The following CHID1 variants were observed in gnomAD, a reference collection of about 807,000 sequenced individuals.
CHID1 encodes the protein chitinase domain containing 1.
A neutral mutation model predicts 55.4 loss-of-function variants in CHID1; 44 were observed. That is an observed-to-expected ratio of 0.79 (90% CI 0.62 to 1.02). The LOEUF (loss-of-function observed/expected upper bound fraction) is 1.02, where lower values mean the gene tolerates loss of function less well. CHID1 is among the 50% of genes least tolerant of loss of function. The probability of loss-of-function intolerance (pLI) is 0.00; values close to 1 mark genes in which losing one functional copy is unlikely to be tolerated. For synonymous variants in CHID1, 216 were observed against 212.9 expected (o/e 1.01, Z -0.13); for missense variants, 491 against 515.3 (o/e 0.95, Z 0.46).
At position 902,323 on chromosome 11, in the gene CHID1, C is replaced by T; in HGVS notation, c.269G>A (p.Ser90Asn). ...DVLGYVTPWN[S>N]HGYDVTKVFG... ...GACCTTGGTGACATCGTAGCCATGG[C>T]TGTTCCACTGGCAAAAGATGGAGAC... The change falls in exon 4 of 13, where the codon AGC becomes AAC. Residue 90 changes from serine (S) to asparagine (N), a missense_variant. By Grantham distance (46) the Ser-to-Asn change is conservative (BLOSUM62 1). Transcript: ENST00000323578. 2 of 1,611,006 alleles carry T rather than the reference C, an allele frequency of 1.2e-6. No individual in the cohort carries two copies. The highest frequency in any genetic ancestry group is 1.7e-6 in the Non-Finnish European group (2 of 1,177,362).
At chr11:886,194 T>C (rs2134197502) in intron 8 of CHID1, among the ~76,000 whole-genome samples, 1 of 142,328 alleles carries the variant, frequency 7.0e-6, no homozygotes, top group East Asian at 2.1e-4. Flanking sequence ...GTGTGATGGC[T>C]CACACCTGTA....
intron 10 of CHID1, among the ~76,000 whole-genome samples, chr11:873,597 G>A (rs1471312225): frequency 6.6e-6 from 1 of 152,092 alleles, no homozygotes; most frequent in Non-Finnish European, 1.5e-5. Flanking sequence ...CACATGGACG[G>A]GGAGGATGTA....
intron 10 of CHID1, among the ~76,000 whole-genome samples, chr11:873,865 G>A (rs1428185201): frequency 6.6e-6 from 1 of 152,086 alleles, no homozygotes; most frequent in African/African-American, 2.4e-5. Context: ...ACAGCTGCAA[G>A]GCCTCAAATG....
At chr11:910,866 C>A, upstream of CHID1, 1 of 1,074,978 alleles carries the variant, frequency 9.3e-7, no homozygotes, top group Non-Finnish European at 1.1e-6. Context: ...CGCGCGCCGC[C>A]GCCGCGCACG....
intron 1 of CHID1, chr11:908,650 G>A (rs1261638846): frequency 4.1e-6 from 4 of 981,828 alleles, no homozygotes; most frequent in Non-Finnish European, 4.8e-6. Flanking sequence ...GGAAATCTGG[G>A]TCAGGGAGGA....
At chr11:903,324 G>A (rs776776517) in intron 2 of CHID1, among the ~76,000 whole-genome samples, 1 of 152,200 alleles carries the variant, frequency 6.6e-6, no homozygotes, top group African/African-American at 2.4e-5. Context: ...ACTGGCCGAC[G>A]GTACAGGGCC....
At chr11:887,839 T>C (rs1289815415) in intron 8 of CHID1, among the ~76,000 whole-genome samples, 1 of 152,094 alleles carries the variant, frequency 6.6e-6, no homozygotes, top group African/African-American at 2.4e-5. Context: ...CTCCACCACC[T>C]CATGGCCTTG....
At chr11:880,087 C>T (rs1849795294) in intron 10 of CHID1, among the ~76,000 whole-genome samples, 1 of 152,228 alleles carries the variant, frequency 6.6e-6, no homozygotes, top group Non-Finnish European at 1.5e-5. Context: ...ATTGCAGGGA[C>T]ATGAGAGCTG....
At position 902,318 on chromosome 11, in the gene CHID1, C is replaced by T; in HGVS notation, c.274G>A (p.Gly92Ser). 1.2e-6 allele frequency: 2 copies of T among 1,611,414 alleles called. No homozygotes were observed. The highest frequency in any genetic ancestry group is 1.7e-6 in the Non-Finnish European group (2 of 1,177,740). The change falls in exon 4 of 13, where the codon GGC becomes AGC. Residue 92 changes from glycine to serine, a missense_variant. Coordinates refer to ENST00000323578, the MANE Select transcript of CHID1 (RefSeq NM_023947.4). ...CCAAAGACCTTGGTGACATCGTAGC[C>T]ATGGCTGTTCCACTGGCAAAAGATG... Reference protein sequence around the residue: ...LGYVTPWNSHGYDVTKVFGSK... With the variant: ...LGYVTPWNSHSYDVTKVFGSK...
intron 10 of CHID1, among the ~76,000 whole-genome samples, chr11:880,562 C>T (rs1262596556): frequency 6.6e-6 from 1 of 152,092 alleles, no homozygotes; most frequent in African/African-American, 2.4e-5. Context: ...CGGAGGGCAC[C>T]CCTGGAGGCC....
intron 10 of CHID1, among the ~76,000 whole-genome samples, chr11:881,270 C>T (rs953112967): frequency 2.6e-5 from 4 of 152,008 alleles, no homozygotes; most frequent in Non-Finnish European, 1.5e-5. Flanking sequence ...ATAGTGAGAC[C>T]CCCATCTCAT....
chr11:884,227 C>G, intron 8 of CHID1, 58 bp from the exon 9 acceptor site: 2 of 1,419,682 alleles, frequency 1.4e-6, no homozygotes, highest in Non-Finnish European at 2.0e-6. Context: ...AGCCCCTCCC[C>G]AGCTGCGGTT....
At position 894,021 on chromosome 11, in the gene CHID1, C is replaced by T. The variant is rs553187276; in HGVS notation, c.609-502G>A. On this transcript the variant is annotated intron_variant, in intron 7 of 12. Transcript: ENST00000323578. ...CCTGTAATCCGAGCTACTCAGGAGG[C>T]TGAGGCAGGAGAATTACTTGAACCC... Among the ~76,000 whole-genome samples, 10 of 148,862 alleles carry T rather than the reference C, an allele frequency of 6.7e-5. No individual in the cohort carries two copies. In the South Asian group the frequency reaches 1.8e-3, roughly 26 times the overall value.
intron 7 of CHID1, among the ~76,000 whole-genome samples, chr11:898,574 C>T (rs535795649): frequency 3.9e-5 from 6 of 152,350 alleles, no homozygotes; most frequent in Non-Finnish European, 7.4e-5. Flanking sequence ...CTATCTTTTG[C>T]GGGGCAGTCG....
At chr11:910,745 G>C (rs749647482) in intron 1 of CHID1, 30 bp downstream of exon 1, 76 of 1,209,830 alleles carry the variant, frequency 6.3e-5, no homozygotes, top group Non-Finnish European at 7.3e-5. Context: ...GCAAGGAGGA[G>C]GAGCAGGGGC....
chr11:908,601 C>G (rs536707160), intron 1 of CHID1: 643 of 985,562 alleles, frequency 6.5e-4, no homozygotes, highest in Non-Finnish European at 7.3e-4. Context: ...TGACCCCAGC[C>G]CATTCCATGA....
chr11:898,025 A>G (rs1365899779), intron 7 of CHID1, among the ~76,000 whole-genome samples: 1 of 152,168 alleles, frequency 6.6e-6, no homozygotes, highest in Admixed American at 6.5e-5. Context: ...TGAGTCCCTC[A>G]GAGCACAGTG....
intron 10 of CHID1, among the ~76,000 whole-genome samples, chr11:873,641 G>T (rs1260046068): frequency 1.3e-5 from 2 of 152,136 alleles, no homozygotes; most frequent in African/African-American, 2.4e-5. Flanking sequence ...GGACAGCTCG[G>T]CCTCACAGAA....
intron 8 of CHID1, among the ~76,000 whole-genome samples, chr11:889,559 T>C (rs1274817368): frequency 6.6e-6 from 1 of 152,086 alleles, no homozygotes; most frequent in Non-Finnish European, 1.5e-5. Flanking sequence ...GGGAGAGCCA[T>C]AGTCTCTGAC....
Sources: allele counts gnomAD v4.1 joint callset (sites outside exome capture counted in the v4.1 genomes callset), GRCh38; gene constraint gnomAD v4.1.1; transcripts MANE v1.5; gene names NCBI Gene and HGNC (gene_info 2026-07-23, HGNC 2026-07-21).